The following RIOK1 variants were observed in gnomAD, a reference collection of about 807,000 sequenced individuals.
RIOK1 encodes the protein serine/threonine-protein kinase RIO1.
A neutral mutation model predicts 73.5 loss-of-function variants in RIOK1; 66 were observed. The observed-to-expected ratio is 0.90, with a 90% CI of 0.74 to 1.10. The LOEUF (loss-of-function observed/expected upper bound fraction) is 1.10. Ranked by LOEUF, RIOK1 falls within the 50% of genes least tolerant of loss-of-function variation. The probability of loss-of-function intolerance (pLI) is 0.00; values close to 1 mark genes in which losing one functional copy is unlikely to be tolerated. For synonymous variants in RIOK1, 224 were observed against 226.8 expected, an observed-to-expected ratio of 0.99 and a Z score of 0.11; for missense variants, 658 against 699.8, an observed-to-expected ratio of 0.94 and a Z score of 0.67.
At chr6:7,392,818 C>T in intron 1 of RIOK1, 2 of 461,762 alleles carry the variant, frequency 4.3e-6, no homozygotes, top group Non-Finnish European at 5.7e-6. Context: ...GAGAAGATAA[C>T]AATATAATTT....
At chr6:7,397,995 A>G (rs1243041845) in intron 4 of RIOK1, among the ~76,000 whole-genome samples, 2 of 152,194 alleles carry the variant, frequency 1.3e-5, no homozygotes, top group African/African-American at 4.8e-5. Flanking sequence ...CAAAAAAATT[A>G]GCCGGGCTTG....
At chr6:7,411,983 G>T (rs995709210) in intron 14 of RIOK1, among the ~76,000 whole-genome samples, 4 of 152,226 alleles carry the variant, frequency 2.6e-5, no homozygotes, top group Admixed American at 1.3e-4. Flanking sequence ...ATTATTTGAT[G>T]TGGGGCAGAT....
rs774087600 is a variant in RIOK1 at position 7,404,910 on chromosome 6, G to T, written c.993-8G>T. The T allele has an allele frequency of 6.2e-7, 1 of 1,608,610 alleles. No homozygotes were observed. Among genetic ancestry groups the T allele is most frequent in the Non-Finnish European group, 8.5e-7 (1 of 1,175,182 alleles). On this transcript the variant is annotated splice_region_variant and splice_polypyrimidine_tract_variant and intron_variant, in intron 10 of 16. Coordinates refer to ENST00000379834, the MANE Select transcript of RIOK1 (RefSeq NM_031480.3). ...CCATCCCACAGCTTCTGTGTCTCTGGCCCATAGGTACCACGGTGGAGGCGT... is the reference window on the plus strand; with the variant it reads ...CCATCCCACAGCTTCTGTGTCTCTGTCCCATAGGTACCACGGTGGAGGCGT...
intron 11 of RIOK1, 91 bp from the exon 12 acceptor site, chr6:7,405,158 G>GT (rs1265400898): frequency 8.6e-6 from 9 of 1,047,258 alleles, no homozygotes; most frequent in Non-Finnish European, 1.3e-5. Flanking sequence ...GAGATGGTAT[G>GT]TAATTTTATC....
chr6:7,407,397 G>A (rs957656465), intron 12 of RIOK1, among the ~76,000 whole-genome samples: 1 of 151,956 alleles, frequency 6.6e-6, no homozygotes, highest in Admixed American at 6.5e-5. Flanking sequence ...TGTTATTATG[G>A]TTTTGGTTTG....
In RIOK1 at chr6:7,398,679, C is replaced by T. The variant is rs763970305; in HGVS notation, c.438-19C>T. ...CTGAATTTTGAATGTGTCAACTATA[C>T]GTTTTTGTTTTTGGTTAGGTATCGC... On this transcript the variant is annotated intron_variant, in intron 4 of 16. Transcript: ENST00000379834. The T allele has an allele frequency of 1.2e-5, 19 of 1,605,890 alleles. No homozygotes were observed. Among genetic ancestry groups the T allele is most frequent in the Admixed American group, 5.0e-5 (3 of 59,562 alleles).
intron 12 of RIOK1, among the ~76,000 whole-genome samples, chr6:7,407,364 C>A (rs1024208885): frequency 3.3e-5 from 5 of 152,156 alleles, no homozygotes; most frequent in African/African-American, 1.2e-4. Flanking sequence ...CAATGAGAGA[C>A]CCCCTAATGA....
chr6:7,406,677 T>G (rs1327817020), intron 12 of RIOK1, among the ~76,000 whole-genome samples: 1 of 152,216 alleles, frequency 6.6e-6, no homozygotes, highest in Non-Finnish European at 1.5e-5. Flanking sequence ...TCTTTTTTTG[T>G]TTGAGACAGG....
At chr6:7,408,730 T>C (rs541048593) in intron 12 of RIOK1, among the ~76,000 whole-genome samples, 1 of 152,044 alleles carries the variant, frequency 6.6e-6, no homozygotes, top group South Asian at 2.1e-4. Flanking sequence ...TTTTTCTTTT[T>C]TTTTTTTTTA....
At chr6:7,415,266 T>C (rs997762649) in intron 16 of RIOK1, among the ~76,000 whole-genome samples, 1 of 152,200 alleles carries the variant, frequency 6.6e-6, no homozygotes, top group Admixed American at 6.5e-5. Flanking sequence ...ATTAAAACAT[T>C]GGTGATGAGC....
At position 7,396,887 on chromosome 6, in the gene RIOK1, A is replaced by G. The variant is rs187649021; in HGVS notation, c.437+115A>G. On this transcript the variant is annotated intron_variant, in intron 4 of 16. Coordinates refer to ENST00000379834, the MANE Select transcript of RIOK1 (RefSeq NM_031480.3). ...CATTTGTATACTTAAACCAATCATT[A>G]TTTTGGTGTGTGTGTGTGTGTGTGT... 95 of 509,892 alleles carry G rather than the reference A, an allele frequency of 1.9e-4. 1 individual carries two copies. The Middle Eastern group carries it at 2.3e-3, about 12-fold the overall frequency. The allele number at this position is 509,892 out of a possible 1,614,324, so 31.6% of individuals were successfully genotyped here.
At position 7,405,342 on chromosome 6, in the gene RIOK1, C is replaced by T. The variant is rs1320987987; in HGVS notation, c.1190C>T (p.Ala397Val). ...DPSITHENMD[A>V]YLSKAMEIAS... ...TCCATTACACATGAGAACATGGATGCTTATCTCTCAAAGGTAAGATGGGGA... is the reference window on the plus strand; with the variant it reads ...TCCATTACACATGAGAACATGGATGTTTATCTCTCAAAGGTAAGATGGGGA... Residue 397 changes from alanine (A) to valine (V), a missense_variant, in exon 12 of 17, where the codon GCT (alanine) becomes GTT (valine). Physicochemically the swap from Ala to Val is moderately conservative, Grantham distance 64. Transcript: ENST00000379834. 1 of 1,594,386 alleles carries T rather than the reference C, an allele frequency of 6.3e-7. No homozygotes were observed. Among genetic ancestry groups the T allele is most frequent in the South Asian group, 1.1e-5 (1 of 90,704 alleles).
chr6:7,400,888 G>C (rs1294552079), intron 5 of RIOK1, 70 bp from the exon 6 acceptor site: 1 of 858,382 alleles, frequency 1.2e-6, no homozygotes, highest in Non-Finnish European at 2.0e-6. Flanking sequence ...TTTATTGATT[G>C]TCACAGGTTT....
Position 7,414,410 on chromosome 6 carries a change from C to A in RIOK1, c.1596+20C>A. Reference sequence around the variant, plus strand: ...AAAAAAGTAAGCAATGAAATACCTTCCCCTTTTCTTTAGTGTGGGAGCACA... The same window carrying A: ...AAAAAAGTAAGCAATGAAATACCTTACCCTTTTCTTTAGTGTGGGAGCACA... On this transcript the variant is annotated intron_variant, in intron 16 of 16. Coordinates refer to ENST00000379834, the MANE Select transcript of RIOK1 (RefSeq NM_031480.3). 1.9e-6 allele frequency: 3 copies of A among 1,589,998 alleles called. No individual in the cohort carries two copies. Among genetic ancestry groups the A allele is most frequent in the Non-Finnish European group, 2.6e-6 (3 of 1,170,328 alleles).
chr6:7,394,279 CA>C (rs1390337014), intron 2 of RIOK1, among the ~76,000 whole-genome samples: 2 of 152,092 alleles, frequency 1.3e-5, no homozygotes, highest in Non-Finnish European at 2.9e-5. Context: ...ACTAAAAACA[CA>C]AAAATTAGCC....
intron 3 of RIOK1, among the ~76,000 whole-genome samples, chr6:7,395,427 C>G (rs1264399633): frequency 1.3e-5 from 2 of 151,788 alleles, no homozygotes; most frequent in African/African-American, 4.8e-5. Context: ...GCAGGAGAAT[C>G]CCTTGAACCT....
chr6:7,407,946 A>G (rs191022621), intron 12 of RIOK1, among the ~76,000 whole-genome samples: 19 of 152,198 alleles, frequency 1.2e-4, no homozygotes, highest in African/African-American at 4.6e-4. Context: ...AGAAGTTTTA[A>G]ATTTTGATGT....
At chr6:7,416,539 T>A (rs559327148) in intron 16 of RIOK1, among the ~76,000 whole-genome samples, 1 of 151,358 alleles carries the variant, frequency 6.6e-6, no homozygotes, top group Non-Finnish European at 1.5e-5. Context: ...TCCCAGCTCC[T>A]TGGGAGGCTG....
Position 7,405,311 on chromosome 6 carries a change from G to T in RIOK1, c.1159G>T (p.Asp387Tyr). 6.2e-7 allele frequency: 1 copy of T among 1,613,132 alleles called. No individual in the cohort carries two copies. Among genetic ancestry groups the T allele is most frequent in the South Asian group, 1.1e-5 (1 of 91,072 alleles). ...TVRELFEFVT[D>Y]PSITHENMDA... is the part of the protein sequence containing the mutation. ...GCGGGAGCTCTTTGAATTTGTCACA[G>T]ATCCATCCATTACACATGAGAACAT... The change falls in exon 12 of 17, where the codon GAT becomes TAT. Residue 387 changes from aspartate (D) to tyrosine (Y), a missense_variant. Physicochemically the swap from Asp to Tyr is radical, Grantham distance 160. Coordinates refer to ENST00000379834, the MANE Select transcript of RIOK1 (RefSeq NM_031480.3).
Sources: gnomAD v4.1 joint callset for allele counts (sites outside exome capture counted in the v4.1 genomes callset) on GRCh38, gnomAD v4.1.1 for gene constraint, MANE v1.5 for transcripts, NCBI Gene and HGNC (gene_info 2026-07-23, HGNC 2026-07-21) for gene names.